Variants in RHAG observed in about 807,000 individuals in gnomAD.
RHAG encodes the protein Rh associated glycoprotein.
In RHAG, 25 loss-of-function variants were observed where a neutral mutation model predicts 42.4. The ratio of observed to expected loss-of-function variants is 0.59; its 90% CI spans 0.43 to 0.82. The LOEUF (loss-of-function observed/expected upper bound fraction) is 0.82. Ranked by LOEUF, RHAG falls within the 40% of genes least tolerant of loss-of-function variation. The pLI, the probability that RHAG is intolerant of heterozygous loss-of-function variation, is 0.00. For synonymous variants in RHAG, 182 were observed against 177.7 expected, an observed-to-expected ratio of 1.02 and a Z score of -0.19; for missense variants, 483 against 504.6, an observed-to-expected ratio of 0.96 and a Z score of 0.41.
chr6:49,614,486 G>A lies in RHAG; in HGVS notation c.807+201C>T, dbSNP rs1361522161. On this transcript the variant is annotated intron_variant, in intron 5 of 9. Transcript: ENST00000371175. ...CAAAGTGCTGGGATTACAGGCATTA[G>A]CCACTGCGCCCAGCCCAGGGTACAG... Among the ~76,000 whole-genome samples the A allele has an allele frequency of 2.6e-5, 4 of 152,046 alleles. No homozygotes were observed. In the East Asian group the frequency reaches 7.7e-4, roughly 29 times the overall value.
chr6:49,627,613 C>T (rs947637579), intron 1 of RHAG, among the ~76,000 whole-genome samples: 1 of 152,170 alleles, frequency 6.6e-6, no homozygotes, highest in Non-Finnish European at 1.5e-5. Context: ...TTAATCTGTT[C>T]TCACACTGCT....
chr6:49,620,546 G>T (rs889998349), intron 1 of RHAG, among the ~76,000 whole-genome samples: 1 of 151,796 alleles, frequency 6.6e-6, no homozygotes, highest in Non-Finnish European at 1.5e-5. Flanking sequence ...TTTTTTTGGG[G>T]GGGGAGACAG....
In RHAG at chr6:49,618,162, A is replaced by G; in HGVS notation, c.398T>C (p.Leu133Pro). ...CATTTGGGTGGGGCTCGTTTTTCCC[A>G]GGACAGCTCCAAAAGATATCAGAAC... Reference protein sequence around the residue: ...ATVLISFGAVLGKTSPTQMLI... With the variant: ...ATVLISFGAVPGKTSPTQMLI... The change falls in exon 3 of 10, where the codon CTG becomes CCG. Residue 133 changes from leucine to proline, a missense_variant. Coordinates refer to ENST00000371175, the MANE Select transcript of RHAG (RefSeq NM_000324.3). 6.2e-7 allele frequency: 1 copy of G among 1,614,172 alleles called. No individual in the cohort carries two copies. The highest frequency in any genetic ancestry group is 1.3e-5 in the African/African-American group (1 of 75,042).
At chr6:49,608,253 G>A (rs1410696329) in intron 7 of RHAG, among the ~76,000 whole-genome samples, 1 of 152,032 alleles carries the variant, frequency 6.6e-6, no homozygotes, top group African/African-American at 2.4e-5. Context: ...CAAAGTATTG[G>A]TTGCTTCCAG....
intron 1 of RHAG, among the ~76,000 whole-genome samples, chr6:49,629,201 G>A (rs1050541686): frequency 2.6e-5 from 4 of 152,030 alleles, no homozygotes; most frequent in Non-Finnish European, 5.9e-5. Context: ...AACACAGGGT[G>A]CTCATTGGTG....
intron 1 of RHAG, among the ~76,000 whole-genome samples, chr6:49,629,008 C>A (rs1290692555): frequency 2.0e-5 from 3 of 152,140 alleles, no homozygotes; most frequent in African/African-American, 7.2e-5. Context: ...ATTGGTAGAG[C>A]CAAGTGGTGC....
rs1763012527 is a variant in RHAG at position 49,636,573 on chromosome 6, G to A, written c.157+83C>T. 6 of 1,355,968 alleles carry A rather than the reference G, an allele frequency of 4.4e-6. No homozygotes were observed. The South Asian group carries it at 7.0e-5, about 16-fold the overall frequency. 84.0% of individuals were successfully genotyped at this position (1,355,968 alleles called of 1,614,324 possible). A position where few individuals can be genotyped will look rare whatever the true frequency, so the allele number is the denominator to read the frequency against. ...TCATATAATTCTACAAAGAGCTCAA[G>A]GGTTTATAGTATTCAATTGTTTTAC... is the stretch of plus-strand genomic sequence containing the variant. On this transcript the variant is annotated intron_variant, in intron 1 of 9. Transcript: ENST00000371175.
intron 1 of RHAG, among the ~76,000 whole-genome samples, chr6:49,629,551 C>A (rs1762900227): frequency 6.6e-6 from 1 of 152,184 alleles, no homozygotes; most frequent in East Asian, 1.9e-4. Flanking sequence ...TGCACCCACA[C>A]TCCTCAGCCC....
At chr6:49,635,476 A>AATGG (rs1762996980) in intron 1 of RHAG, among the ~76,000 whole-genome samples, 1 of 152,124 alleles carries the variant, frequency 6.6e-6, no homozygotes, top group Non-Finnish European at 1.5e-5. Context: ...TAAATGAATA[A>AATGG]ATGGATGAAT....
At chr6:49,611,810 C>T (rs1323420024) in intron 6 of RHAG, among the ~76,000 whole-genome samples, 3 of 151,140 alleles carry the variant, frequency 2.0e-5, no homozygotes, top group Admixed American at 6.6e-5. Flanking sequence ...GGTGCCATCT[C>T]GGCTCACTGC....
At chr6:49,612,627 C>G in intron 5 of RHAG, 93 bp from the exon 6 acceptor site, 2 of 1,451,330 alleles carry the variant, frequency 1.4e-6, no homozygotes, top group Non-Finnish European at 1.9e-6. Flanking sequence ...ACCCACATCA[C>G]ATTCTTCAGT....
At chr6:49,623,945 C>T (rs6918385) in intron 1 of RHAG, among the ~76,000 whole-genome samples, 74 of 152,176 alleles carry the variant, frequency 4.9e-4, no homozygotes, top group Admixed American at 8.5e-4. Flanking sequence ...AAGATAGCAG[C>T]GGGGAGGGAA....
At chr6:49,631,925 A>G (rs1387061406) in intron 1 of RHAG, 4 of 152,222 alleles carry the variant, frequency 2.6e-5, no homozygotes, top group African/African-American at 9.6e-5. Flanking sequence ...TGTTTGTAAC[A>G]TGAAGATTTG....
At chr6:49,615,524 C>A in intron 4 of RHAG, 100 bp downstream of exon 4, 2 of 1,364,470 alleles carry the variant, frequency 1.5e-6, no homozygotes, top group Non-Finnish European at 2.1e-6. Context: ...CCATGCCTGG[C>A]TTGGATGTTC....
intron 5 of RHAG, 88 bp from the exon 6 acceptor site, chr6:49,612,622 C>T: frequency 6.8e-7 from 1 of 1,481,400 alleles, no homozygotes; most frequent in Non-Finnish European, 9.4e-7. Flanking sequence ...AAGAGACCCA[C>T]ATCACATTCT....
intron 1 of RHAG, among the ~76,000 whole-genome samples, chr6:49,620,608 T>A (rs1020113766): frequency 2.6e-5 from 4 of 152,004 alleles, no homozygotes; most frequent in African/African-American, 9.7e-5. Flanking sequence ...CTCGGCTCAC[T>A]GCAACCTCCG....
chr6:49,608,396 T>C (rs1014597728), intron 7 of RHAG, among the ~76,000 whole-genome samples: 1 of 152,238 alleles, frequency 6.6e-6, no homozygotes, highest in African/African-American at 2.4e-5. Flanking sequence ...ACCTCTTTTT[T>C]TTGAGACGGA....
At chr6:49,636,052 A>G (rs932597303) in intron 1 of RHAG, among the ~76,000 whole-genome samples, 3 of 152,252 alleles carry the variant, frequency 2.0e-5, no homozygotes, top group Admixed American at 1.3e-4. Flanking sequence ...TCTTTGCTCA[A>G]TCATCATTCC....
At chr6:49,616,291 A>G (rs910537531) in intron 3 of RHAG, among the ~76,000 whole-genome samples, 1 of 147,666 alleles carries the variant, frequency 6.8e-6, no homozygotes. Context: ...TTGAGGTTAC[A>G]GTGAGCTATG....
Sources: gnomAD v4.1 joint callset for allele counts (sites outside exome capture counted in the v4.1 genomes callset) on GRCh38, gnomAD v4.1.1 for gene constraint, MANE v1.5 for transcripts, NCBI Gene and HGNC (gene_info 2026-07-23, HGNC 2026-07-21) for gene names.